The following CDH13 variants were observed in gnomAD, a reference collection of about 807,000 sequenced individuals.
CDH13 encodes the protein cadherin 13.
In CDH13, 24 loss-of-function variants were observed where a neutral mutation model predicts 63.8. The observed-to-expected ratio is 0.38, with a 90% confidence interval of 0.27 to 0.53. The LOEUF is 0.53. Among genes scored for constraint, CDH13 ranks in the 20% least tolerant of loss-of-function variants. The pLI is 0.85. For missense variants in CDH13, 1,049 were observed against 903.1 expected (o/e 1.16, Z -2.07); for synonymous variants, 503 against 355.3 (o/e 1.42, Z -4.67).
Position 82,860,388 on chromosome 16 carries a change from T to TGG in CDH13, c.157+1925_157+1926dup, listed in dbSNP as rs368818163. Among the ~76,000 whole-genome samples, 84 of 63,136 alleles carry TGG rather than the reference T, an allele frequency of 1.3e-3. 1 individual carries two copies. Among genetic ancestry groups the TGG allele is most frequent in the African/African-American group, 3.0e-3 (48 of 15,828 alleles). 41.4% of individuals were successfully genotyped at this position (63,136 alleles called of 152,430 possible). ...AGTATCACAGTTGTGTGTGTGTGTGTGGGGGGGGGGGCGGCGGTGTGCGTG... is the reference window on the plus strand; with the variant it reads ...AGTATCACAGTTGTGTGTGTGTGTGTGGGGGGGGGGGGGCGGCGGTGTGCGTG... On this transcript the variant is annotated intron_variant, in intron 2 of 13. Transcript: ENST00000567109.
rs2032027265 is a variant in CDH13 at position 82,712,533 on chromosome 16, C to T, written c.45+85396C>T. 2.6e-5 allele frequency among the ~76,000 whole-genome samples: 4 copies of T among 152,340 alleles called. No homozygotes were observed. In the South Asian group the frequency reaches 8.3e-4, roughly 32 times the overall value. ...TTACCACGCCTATCATGGTGGCTTT[C>T]AAACTCACTACCCTGTGCCCCACCT... On this transcript the variant is annotated intron_variant, in intron 1 of 13. Coordinates refer to ENST00000567109, the MANE Select transcript of CDH13 (RefSeq NM_001257.5).
At chr16:83,004,905 T>C (rs1368434506) in intron 2 of CDH13, among the ~76,000 whole-genome samples, 5 of 152,176 alleles carry the variant, frequency 3.3e-5, no homozygotes, top group African/African-American at 1.2e-4. Context: ...GCACTTGTCA[T>C]CCCCAGGGTG....
At chr16:83,205,802 A>C (rs888337710) in intron 4 of CDH13, among the ~76,000 whole-genome samples, 4 of 151,942 alleles carry the variant, frequency 2.6e-5, no homozygotes, top group Admixed American at 6.6e-5. Context: ...ACGGGGTTTC[A>C]TTATGTTGGC....
At position 82,665,522 on chromosome 16, in the gene CDH13, T is replaced by C. The variant is rs540317120; in HGVS notation, c.45+38385T>C. Among the ~76,000 whole-genome samples the C allele has an allele frequency of 2.0e-5, 3 of 152,184 alleles. No individual in the cohort carries two copies. In the South Asian group the frequency reaches 6.2e-4, roughly 32 times the overall value. ...TCATGGTGACTTCATAGAACATAAG[T>C]ACCATAAATAAGAGAATCAATTGTA... On this transcript the variant is annotated intron_variant, in intron 1 of 13. Transcript: ENST00000567109.
intron 10 of CDH13, among the ~76,000 whole-genome samples, chr16:83,685,766 C>T (rs1420780968): frequency 6.6e-6 from 1 of 152,222 alleles, no homozygotes; most frequent in Non-Finnish European, 1.5e-5. Flanking sequence ...TCTTCCCCTG[C>T]ACCATGCCCG....
intron 1 of CDH13, among the ~76,000 whole-genome samples, chr16:82,658,885 C>T (rs1232911005): frequency 6.6e-6 from 1 of 152,144 alleles, no homozygotes; most frequent in Non-Finnish European, 1.5e-5. Context: ...TTTGACTAGA[C>T]ACTTGATATT....
intron 4 of CDH13, among the ~76,000 whole-genome samples, chr16:83,196,658 A>G (rs79430800): frequency 0.039 from 5,989 of 152,296 alleles, 399 homozygotes; most frequent in African/African-American, 0.14. Flanking sequence ...CAAAGGGGAT[A>G]TGAGGATAGC....
At chr16:83,193,201 C>G (rs924916769) in intron 4 of CDH13, among the ~76,000 whole-genome samples, 9 of 151,644 alleles carry the variant, frequency 5.9e-5, no homozygotes, top group Admixed American at 2.0e-4. Flanking sequence ...TATGTGGCTT[C>G]TAGATACTGA....
chr16:82,626,995 G>A lies in CDH13; in HGVS notation c.-98G>A, dbSNP rs1249211822. 2.9e-6 allele frequency: 4 copies of A among 1,398,576 alleles called. No individual in the cohort carries two copies. In the South Asian group the frequency reaches 4.9e-5, roughly 17 times the overall value. 86.6% of individuals were successfully genotyped at this position (1,398,576 alleles called of 1,614,324 possible). On this transcript the variant is annotated 5_prime_UTR_variant, in exon 1 of 14. Transcript: ENST00000567109. Reference sequence around the variant, plus strand: ...TTTGGGAAGTTGGCTGGCTGGCGAGGCAGAGCCTCTCCTCAAAGCCTGGCT... The same window carrying A: ...TTTGGGAAGTTGGCTGGCTGGCGAGACAGAGCCTCTCCTCAAAGCCTGGCT...
At chr16:83,037,792 T>A (rs1299516652) in intron 3 of CDH13, among the ~76,000 whole-genome samples, 1 of 152,200 alleles carries the variant, frequency 6.6e-6, no homozygotes, top group Non-Finnish European at 1.5e-5. Flanking sequence ...CACTTACTCA[T>A]TGTGTGACTT....
In CDH13 at chr16:83,048,368, G is replaced by A. The variant is rs1325562587; in HGVS notation, c.366+16150G>A. ...AGAATTTCTGAAACACAGGATGGGGGTGATACGAAAATGACTTGGTTGATG... is the reference window on the plus strand; with the variant it reads ...AGAATTTCTGAAACACAGGATGGGGATGATACGAAAATGACTTGGTTGATG... On this transcript the variant is annotated intron_variant, in intron 3 of 13. Coordinates refer to ENST00000567109, the MANE Select transcript of CDH13 (RefSeq NM_001257.5). Among the ~76,000 whole-genome samples the A allele has an allele frequency of 2.6e-5, 4 of 152,184 alleles. No homozygotes were observed. The South Asian group carries it at 8.3e-4, about 32-fold the overall frequency.
intron 5 of CDH13, among the ~76,000 whole-genome samples, chr16:83,344,615 C>A (rs1383653231): frequency 6.6e-6 from 1 of 152,120 alleles, no homozygotes; most frequent in East Asian, 1.9e-4. Context: ...TTTTAACTTT[C>A]TTTGCCGATT....
chr16:83,509,309 G>A (rs2074499688), intron 7 of CDH13, among the ~76,000 whole-genome samples: 1 of 152,214 alleles, frequency 6.6e-6, no homozygotes, highest in Non-Finnish European at 1.5e-5. Flanking sequence ...GGATCAGGAA[G>A]ATGCCCAGGT....
intron 1 of CDH13, among the ~76,000 whole-genome samples, chr16:82,717,981 T>G (rs889871851): frequency 3.3e-5 from 5 of 152,176 alleles, no homozygotes; most frequent in Non-Finnish European, 7.4e-5. Flanking sequence ...ACCTGACCCA[T>G]TCTGTGTGTG....
At chr16:82,852,549 C>G (rs923416905) in intron 1 of CDH13, among the ~76,000 whole-genome samples, 1 of 152,212 alleles carries the variant, frequency 6.6e-6, no homozygotes, top group African/African-American at 2.4e-5. Flanking sequence ...TTGGCCAGTG[C>G]TTAGTCACAT....
chr16:82,857,736 ATT>A (rs2151165004), intron 1 of CDH13, among the ~76,000 whole-genome samples: 1 of 152,322 alleles, frequency 6.6e-6, no homozygotes, highest in East Asian at 1.9e-4. Flanking sequence ...AAATATTGTC[ATT>A]TCAACATGTA....
intron 7 of CDH13, among the ~76,000 whole-genome samples, chr16:83,506,902 T>C (rs1372922872): frequency 1.3e-5 from 2 of 152,204 alleles, no homozygotes; most frequent in African/African-American, 4.8e-5. Context: ...AGCTTTTAGA[T>C]AACTGTAGCC....
chr16:83,242,428 A>G (rs182848183), intron 5 of CDH13, among the ~76,000 whole-genome samples: 6,376 of 148,498 alleles, frequency 0.043, 165 homozygotes, highest in Middle Eastern at 0.082. Flanking sequence ...ATTTTCTGAC[A>G]TCAAAAGATT....
intron 10 of CDH13, among the ~76,000 whole-genome samples, chr16:83,733,322 C>T (rs1278369843): frequency 6.6e-6 from 1 of 152,206 alleles, no homozygotes; most frequent in African/African-American, 2.4e-5. Context: ...CCTGGGTGAG[C>T]TCTCTCCTTG....
Sources: allele counts gnomAD v4.1 joint callset (sites outside exome capture counted in the v4.1 genomes callset), GRCh38; gene constraint gnomAD v4.1.1; transcripts MANE v1.5; gene names NCBI Gene and HGNC (gene_info 2026-07-23, HGNC 2026-07-21).